The following RABGAP1L variants were observed in gnomAD, a reference collection of about 807,000 sequenced individuals.
RABGAP1L encodes the protein RAB GTPase activating protein 1 like, also known as rab GTPase-activating protein 1-like.
A neutral mutation model predicts 137.7 loss-of-function variants in RABGAP1L; 63 were observed. The observed-to-expected ratio is 0.46, with a 90% CI of 0.37 to 0.56. RABGAP1L has a LOEUF of 0.56. Among genes scored for constraint, RABGAP1L ranks in the 20% least tolerant of loss-of-function variants. The pLI is 0.00. For missense variants in RABGAP1L, 1,095 were observed against 1,244.0 expected (o/e 0.88, Z 1.80); for synonymous variants, 431 against 433.7 (o/e 0.99, Z 0.08).
chr1:174,228,274 A>G (rs1670355076), intron 3 of RABGAP1L, among the ~76,000 whole-genome samples: 1 of 151,992 alleles, frequency 6.6e-6, no homozygotes, highest in Non-Finnish European at 1.5e-5. Flanking sequence ...AGGTTTATAA[A>G]ATACCTCTTC....
chr1:174,949,252 T>C lies in RABGAP1L; in HGVS notation c.2341-8205T>C, dbSNP rs576613347. Among the ~76,000 whole-genome samples, 7 of 152,304 alleles carry C rather than the reference T, an allele frequency of 4.6e-5. No homozygotes were observed. The East Asian group carries it at 9.6e-4, about 21-fold the overall frequency. On this transcript the variant is annotated intron_variant, in intron 19 of 25. Transcript: ENST00000681986. ...TGTTAGGAAGGAAAATGATGTCAGA[T>C]TTGCATCCTGGAAAAAATTACTTTG... is the stretch of plus-strand genomic sequence containing the variant.
At chr1:174,958,655 C>T (rs1208808904) in intron 20 of RABGAP1L, among the ~76,000 whole-genome samples, 1 of 152,148 alleles carries the variant, frequency 6.6e-6, no homozygotes, top group Non-Finnish European at 1.5e-5. Context: ...TCACACAGAA[C>T]ATCTTATCTC....
At chr1:174,687,191 C>A (rs1207633929) in intron 15 of RABGAP1L, among the ~76,000 whole-genome samples, 1 of 151,948 alleles carries the variant, frequency 6.6e-6, no homozygotes, top group Non-Finnish European at 1.5e-5. Context: ...GCTCAAATAC[C>A]CAGAATTTTT....
intron 13 of RABGAP1L, among the ~76,000 whole-genome samples, chr1:174,413,755 G>T (rs1012362713): frequency 1.3e-5 from 2 of 152,098 alleles, no homozygotes; most frequent in Non-Finnish European, 2.9e-5. Context: ...ACTTCTTTGG[G>T]CAAGTTTTAT....
intron 9 of RABGAP1L, among the ~76,000 whole-genome samples, chr1:174,278,375 C>T (rs1437423770): frequency 6.6e-6 from 1 of 152,180 alleles, no homozygotes; most frequent in Non-Finnish European, 1.5e-5. Flanking sequence ...CATTGTACTC[C>T]AGCCTGGGTG....
At chr1:174,662,689 C>T (rs1322059999) in intron 14 of RABGAP1L, among the ~76,000 whole-genome samples, 2 of 152,114 alleles carry the variant, frequency 1.3e-5, no homozygotes, top group Non-Finnish European at 2.9e-5. Context: ...CCACTGTGCC[C>T]GGCCAAGAAG....
intron 17 of RABGAP1L, among the ~76,000 whole-genome samples, chr1:174,720,752 G>T (rs553810103): frequency 4.7e-4 from 72 of 152,308 alleles, no homozygotes; most frequent in African/African-American, 1.7e-3. Context: ...GTTTCCTAGA[G>T]TTGAAGAGAG....
chr1:174,742,676 G>A (rs1169819161), intron 17 of RABGAP1L, among the ~76,000 whole-genome samples: 1 of 152,206 alleles, frequency 6.6e-6, no homozygotes, highest in East Asian at 1.9e-4. Context: ...ATTATGAAGA[G>A]TATCAAAAGC....
chr1:174,459,625 A>G (rs1040998305), intron 13 of RABGAP1L, among the ~76,000 whole-genome samples: 1 of 152,160 alleles, frequency 6.6e-6, no homozygotes, highest in Non-Finnish European at 1.5e-5. Flanking sequence ...CAAGAAATGT[A>G]CAAATACATT....
chr1:174,962,997 G>C (rs533406358), intron 20 of RABGAP1L, among the ~76,000 whole-genome samples: 1 of 152,066 alleles, frequency 6.6e-6, no homozygotes, highest in African/African-American at 2.4e-5. Context: ...TACTCAGTAG[G>C]CTGAGGCAGG....
In RABGAP1L at chr1:174,575,959, A is replaced by G. The variant is rs139139325; in HGVS notation, c.1711-61416A>G. 4.1e-3 allele frequency among the ~76,000 whole-genome samples: 620 copies of G among 152,332 alleles called. 6 individuals carry two copies. Among genetic ancestry groups the G allele is most frequent in the African/African-American group, 0.014 (587 of 41,580 alleles). On this transcript the variant is annotated intron_variant, in intron 13 of 25. Coordinates refer to ENST00000681986, the MANE Select transcript of RABGAP1L (RefSeq NM_001366446.1). Reference sequence around the variant, plus strand: ...TGTTTGATTATAAGGTGAGATGGTCACGTGGGGATGAAGTAATTCTTTAAC... The same window carrying G: ...TGTTTGATTATAAGGTGAGATGGTCGCGTGGGGATGAAGTAATTCTTTAAC...
chr1:174,668,213 C>G (rs1480042137), intron 14 of RABGAP1L, among the ~76,000 whole-genome samples: 1 of 152,182 alleles, frequency 6.6e-6, no homozygotes, highest in Admixed American at 6.5e-5. Context: ...CTTATTCCAC[C>G]TATCTAACTA....
rs76069975 is a variant in RABGAP1L at position 174,602,083 on chromosome 1, A to G, written c.1711-35292A>G. 5.7e-3 allele frequency among the ~76,000 whole-genome samples: 862 copies of G among 151,926 alleles called. 11 individuals carry two copies. The highest frequency in any genetic ancestry group is 0.02 in the African/African-American group (827 of 41,440). ...CTTCTGAGCCCACCAAACTGTTCCA[A>G]CCTCTACCTGTTACCCAGTTCCAAA... On this transcript the variant is annotated intron_variant, in intron 13 of 25. Transcript: ENST00000681986.
chr1:174,401,375 A>G (rs1023855625), intron 13 of RABGAP1L, among the ~76,000 whole-genome samples: 3 of 152,224 alleles, frequency 2.0e-5, no homozygotes, highest in African/African-American at 7.2e-5. Context: ...GATAATTTAT[A>G]TAAAGCACTC....
chr1:174,683,731 T>C, intron 15 of RABGAP1L, 135 bp downstream of exon 15: 1 of 587,296 alleles, frequency 1.7e-6, no homozygotes, highest in Non-Finnish European at 2.9e-6. Flanking sequence ...AAAATGTACG[T>C]TAGGTGATAA....
At chr1:174,551,021 T>TATATATATATATATATACATAC (rs1553330343) in intron 13 of RABGAP1L, among the ~76,000 whole-genome samples, 1 of 122,816 alleles carries the variant, frequency 8.1e-6, no homozygotes, top group African/African-American at 3.8e-5. Flanking sequence ...TATATATATA[T>TATATATATATATATATACATAC]ACATACACAC....
intron 13 of RABGAP1L, among the ~76,000 whole-genome samples, chr1:174,397,826 A>T (rs996282653): frequency 2.6e-5 from 4 of 152,184 alleles, no homozygotes; most frequent in Non-Finnish European, 5.9e-5. Context: ...GGGGGTTCTT[A>T]GTGCCACCCT....
At chr1:174,586,600 T>C (rs1669136941) in intron 13 of RABGAP1L, among the ~76,000 whole-genome samples, 1 of 152,078 alleles carries the variant, frequency 6.6e-6, no homozygotes, top group Non-Finnish European at 1.5e-5. Context: ...TGTATGTATG[T>C]ATGTATTATT....
At chr1:174,611,370 A>G (rs1048082090) in intron 13 of RABGAP1L, among the ~76,000 whole-genome samples, 6 of 152,120 alleles carry the variant, frequency 3.9e-5, no homozygotes, top group African/African-American at 1.4e-4. Context: ...AGTTGTAGAT[A>G]TGTGGTGTTA....
Sources: gnomAD v4.1 joint callset for allele counts (sites outside exome capture counted in the v4.1 genomes callset) on GRCh38, gnomAD v4.1.1 for gene constraint, MANE v1.5 for transcripts, NCBI Gene and HGNC (gene_info 2026-07-23, HGNC 2026-07-21) for gene names.